Variants in UBE4B observed in about 807,000 individuals in gnomAD.
The protein encoded by UBE4B is ubiquitination factor E4B.
A neutral mutation model predicts 148.1 loss-of-function variants in UBE4B; 27 were observed. The ratio of observed to expected loss-of-function variants is 0.18; its 90% confidence interval spans 0.13 to 0.25. The LOEUF (loss-of-function observed/expected upper bound fraction) is 0.25, where lower values mean the gene tolerates loss of function less well. Ranked by LOEUF, UBE4B falls within the 10% of genes least tolerant of loss-of-function variation. The pLI is 1.00. For synonymous variants in UBE4B, 596 were observed against 619.3 expected (o/e 0.96, Z 0.56); for missense variants, 1,170 against 1,662.4 (o/e 0.70, Z 5.15).
At chr1:10,110,557 GAAA>G (rs984792751) in intron 7 of UBE4B, among the ~76,000 whole-genome samples, 1 of 149,268 alleles carries the variant, frequency 6.7e-6, no homozygotes. Flanking sequence ...AAGTTGATCT[GAAA>G]AAAAAAATTA....
intron 1 of UBE4B, among the ~76,000 whole-genome samples, chr1:10,055,266 T>C (rs757018685): frequency 1.1e-4 from 16 of 152,074 alleles, no homozygotes; most frequent in Non-Finnish European, 2.2e-4. Context: ...GGCCACCTTT[T>C]CATCATTTTT....
chr1:10,112,923 T>C (rs928693787), intron 7 of UBE4B, among the ~76,000 whole-genome samples: 32 of 152,218 alleles, frequency 2.1e-4, no homozygotes, highest in African/African-American at 6.8e-4. Flanking sequence ...AGGTTGATGC[T>C]ACATTTCCTG....
chr1:10,155,084 AGT>A lies in UBE4B; in HGVS notation c.2927-3247_2927-3246del, dbSNP rs144718535. Among the ~76,000 whole-genome samples, 407 of 145,986 alleles carry A rather than the reference AGT, an allele frequency of 2.8e-3. 1 individual carries two copies. Among genetic ancestry groups the A allele is most frequent in the South Asian group, 5.0e-3 (23 of 4,602 alleles). On this transcript the variant is annotated intron_variant, in intron 21 of 27. Coordinates refer to ENST00000343090, the MANE Select transcript of UBE4B (RefSeq NM_001105562.3). ...CTTCAGGAGAGAGAGAGAGAGAGAG[AGT>A]GTGTGTGTGTGTGTGTGTGTGTGTT...
At position 10,106,233 on chromosome 1, in the gene UBE4B, C is replaced by A. The variant is rs1044848007; in HGVS notation, c.846C>A (p.Phe282Leu). The A allele has an allele frequency of 1.2e-6, 2 of 1,611,032 alleles. No individual in the cohort carries two copies. ...YESSPAPTPS[F>L]WSSVPVMGPS... ...GTAGTCCGGCTCCCACTCCCAGTTT[C>A]TGGAGCTCTGTTCCCGTGATGGGCC... The change falls in exon 7 of 28, where the codon TTC (phenylalanine) becomes TTA (leucine). Residue 282 changes from phenylalanine (F) to leucine (L), a missense_variant. Physicochemically the swap from Phe to Leu is conservative, Grantham distance 22 (BLOSUM62 0). Around this residue, in one of 6 missense-constraint regions of UBE4B, gnomAD observed 214 missense variants for 209.1 expected, o/e 1.02. Transcript: ENST00000343090. The surrounding 1 kb of genome is among the most constrained non-coding windows in gnomAD (Gnocchi z 4.2).
intron 1 of UBE4B, among the ~76,000 whole-genome samples, chr1:10,043,777 G>T (rs1192880312): frequency 6.6e-6 from 1 of 152,180 alleles, no homozygotes; most frequent in Non-Finnish European, 1.5e-5. Context: ...CCAGGTGGCA[G>T]TTGTGACATA....
At chr1:10,088,389 AT>A (rs199676522) in intron 2 of UBE4B, among the ~76,000 whole-genome samples, 7 of 150,846 alleles carry the variant, frequency 4.6e-5, no homozygotes, top group African/African-American at 1.2e-4. Flanking sequence ...AATTTATTTT[AT>A]TTTTTTTTGA....
intron 2 of UBE4B, among the ~76,000 whole-genome samples, chr1:10,078,014 G>GTT (rs760664556): frequency 4.1e-5 from 6 of 145,000 alleles, no homozygotes; most frequent in Non-Finnish European, 3.0e-5. Flanking sequence ...GATTATGCTA[G>GTT]TTTTTTTTTT....
At chr1:10,061,759 T>A (rs1191109315) in intron 1 of UBE4B, among the ~76,000 whole-genome samples, 4 of 152,118 alleles carry the variant, frequency 2.6e-5, no homozygotes, top group Non-Finnish European at 5.9e-5. Flanking sequence ...GATGCTTGGA[T>A]CTCTTCATTT....
chr1:10,125,175 T>C (rs1450879514), intron 10 of UBE4B, among the ~76,000 whole-genome samples: 1 of 152,246 alleles, frequency 6.6e-6, no homozygotes, highest in East Asian at 1.9e-4. Context: ...ATATTTTACC[T>C]GTGCAATGCA....
At chr1:10,050,337 G>A (rs1644009719) in intron 1 of UBE4B, among the ~76,000 whole-genome samples, 1 of 152,210 alleles carries the variant, frequency 6.6e-6, no homozygotes. Context: ...CTCCCAAAGT[G>A]TTGGGATTAC....
intron 17 of UBE4B, among the ~76,000 whole-genome samples, chr1:10,138,707 T>G (rs960534218): frequency 5.3e-5 from 8 of 152,208 alleles, no homozygotes; most frequent in Admixed American, 4.6e-4. Flanking sequence ...ACCTTGAAAT[T>G]TCCATCTTGT....
chr1:10,074,765 G>T (rs1269970930), intron 2 of UBE4B, among the ~76,000 whole-genome samples: 1 of 152,126 alleles, frequency 6.6e-6, no homozygotes, highest in Non-Finnish European at 1.5e-5. Flanking sequence ...ACTTCTAAAT[G>T]TTAGGATTCA....
chr1:10,151,648 G>A (rs1021115609), intron 21 of UBE4B, 87 bp downstream of exon 21: 1 of 1,134,668 alleles, frequency 8.8e-7, no homozygotes. Flanking sequence ...CTCTAAGCCT[G>A]TTACCTAATA....
intron 6 of UBE4B, 27 bp downstream of exon 6, chr1:10,105,771 T>C (rs1278532791): frequency 6.2e-7 from 1 of 1,601,624 alleles, no homozygotes; most frequent in East Asian, 2.2e-5. Context: ...TTGCACATCT[T>C]ACTGGTAGTA....
Position 10,072,124 on chromosome 1 carries a change from C to T in UBE4B, c.121C>T (p.Pro41Ser), listed in dbSNP as rs1396567315. Residue 41 changes from proline (P) to serine (S), a missense_variant, in exon 2 of 28, where the codon CCC becomes TCC. Pro to Ser is a moderately conservative substitution (Grantham distance 74, BLOSUM62 -1). Around this residue, in one of 6 missense-constraint regions of UBE4B, gnomAD observed 127 missense variants for 153.2 expected, o/e 0.83. Coordinates refer to ENST00000343090, the MANE Select transcript of UBE4B (RefSeq NM_001105562.3). ...CCAGAGGGAGAACCCTCCGGGGCCTCCCATAGCGGCATCAGCCCCAGGACC... is the reference window on the plus strand; with the variant it reads ...CCAGAGGGAGAACCCTCCGGGGCCTTCCATAGCGGCATCAGCCCCAGGACC... ...SPQRENPPGPPIAASAPGPSQ... is the reference protein window; with the variant it reads ...SPQRENPPGPSIAASAPGPSQ... The T allele has an allele frequency of 6.2e-7, 1 of 1,613,786 alleles. No individual in the cohort carries two copies. Among genetic ancestry groups the T allele is most frequent in the Admixed American group, 1.7e-5 (1 of 59,950 alleles).
intron 1 of UBE4B, among the ~76,000 whole-genome samples, chr1:10,042,430 C>T (rs1408714542): frequency 1.3e-5 from 2 of 151,986 alleles, no homozygotes; most frequent in African/African-American, 2.4e-5. Context: ...GGGTGGATCA[C>T]GAGGTCAGGA....
intron 2 of UBE4B, among the ~76,000 whole-genome samples, chr1:10,086,849 C>T (rs1246341720): frequency 6.6e-6 from 1 of 152,056 alleles, no homozygotes; most frequent in Non-Finnish European, 1.5e-5. Context: ...GCCACCACGC[C>T]CGGCTAATTT....
chr1:10,122,141 C>G, intron 10 of UBE4B, 65 bp downstream of exon 10: 1 of 1,138,060 alleles, frequency 8.8e-7, no homozygotes, highest in Non-Finnish European at 1.3e-6. Flanking sequence ...AGGCTAATTT[C>G]TGACCATTGA....
chr1:10,077,105 C>T (rs1644597250), intron 2 of UBE4B, among the ~76,000 whole-genome samples: 4 of 152,116 alleles, frequency 2.6e-5, no homozygotes, highest in Admixed American at 2.6e-4. Context: ...CTGTAACAAC[C>T]TATCAAAAAC....
Sources: allele counts gnomAD v4.1 joint callset (sites outside exome capture counted in the v4.1 genomes callset), GRCh38; gene constraint gnomAD v4.1.1; regional missense constraint gnomAD v4.1.1; non-coding constraint Gnocchi (gnomAD v3.1); transcripts MANE v1.5; gene names NCBI Gene and HGNC (gene_info 2026-07-23, HGNC 2026-07-21).